TRRAP: variants seen among roughly 807,000 people sequenced by gnomAD.
TRRAP encodes the protein transformation/transcription domain-associated protein.
A neutral mutation model predicts 438.8 loss-of-function variants in TRRAP; 41 were observed. The ratio of observed to expected loss-of-function variants is 0.09; its 90% confidence interval spans 0.07 to 0.12. The LOEUF is 0.12. Ranked by LOEUF, TRRAP falls within the 10% of genes least tolerant of loss-of-function variation. The pLI is 1.00. For missense variants in TRRAP, 3,122 were observed against 5,055.1 expected, an observed-to-expected ratio of 0.62 and a Z score of 11.60; for synonymous variants, 1,994 against 1,962.9, an observed-to-expected ratio of 1.02 and a Z score of -0.42.
Position 98,967,576 on chromosome 7 carries a change from A to C in TRRAP, c.7390A>C (p.Lys2464Gln). ...CTGTGCCCAGCCACTCATCAGGGCA[A>C]AGTTTTTCGAGGTTTTTGACAACTC... ...LRCAQPLIRAKFFEVFDNSMK... is the reference protein window; with the variant it reads ...LRCAQPLIRAQFFEVFDNSMK... The change falls in exon 51 of 73, where the codon AAG (lysine) becomes CAG (glutamine). Residue 2464 changes from lysine (K) to glutamine (Q), a missense_variant. This residue lies in a region of TRRAP where 992 missense variants were observed against 1,281.2 expected (regional missense o/e 0.77). Transcript: ENST00000456197. 6.2e-7 allele frequency: 1 copy of C among 1,614,036 alleles called. No homozygotes were observed. Among genetic ancestry groups the C allele is most frequent in the Non-Finnish European group, 8.5e-7 (1 of 1,180,020 alleles).
rs1267879742 is a variant in TRRAP at position 98,994,194 on chromosome 7, AGCCCCGGG to A, written c.10048-389_10048-382del. On this transcript the variant is annotated intron_variant, in intron 66 of 72. Transcript: ENST00000456197. This position sits in a 1 kb window ranked among gnomAD's most constrained non-coding sequence, Gnocchi z 4.8. ...CACTGCCCAGATGCTTACCTGGTTG[AGCCCCGGG>A]GCCAGCTCCTTACTGCTGTGAAGTC... Among the ~76,000 whole-genome samples, 1 of 152,178 alleles carries A rather than the reference AGCCCCGGG, an allele frequency of 6.6e-6. No homozygotes were observed. Among genetic ancestry groups the A allele is most frequent in the Non-Finnish European group, 1.5e-5 (1 of 68,034 alleles).
chr7:98,881,922 A>G (rs1795457491), intron 2 of TRRAP, 53 bp from the exon 3 acceptor site: 26 of 1,577,546 alleles, frequency 1.6e-5, no homozygotes, highest in Non-Finnish European at 2.1e-5. Flanking sequence ...TTGCATTAAC[A>G]TAATTTCCTT....
In TRRAP at chr7:98,964,704, G is replaced by T. The variant is rs989808531; in HGVS notation, c.6905G>T (p.Arg2302Leu). ...GACAGGCTGATCTCCGTCTTTATGC[G>T]CTCCCTGCAGAAGATGGTCCGGGAG... The part of the protein sequence containing the change: ...YIDRLISVFM[R>L]SLQKMVREHL... The change falls in exon 48 of 73, where the codon CGC becomes CTC. Residue 2302 changes from arginine to leucine, a missense_variant. Arg to Leu is a moderately radical substitution (Grantham distance 102). Transcript: ENST00000456197. The T allele has an allele frequency of 6.2e-7, 1 of 1,613,510 alleles. No homozygotes were observed. The highest frequency in any genetic ancestry group is 8.5e-7 in the Non-Finnish European group (1 of 1,179,874).
intron 64 of TRRAP, among the ~76,000 whole-genome samples, chr7:98,991,198 G>A (rs1793415503): frequency 2.0e-5 from 3 of 152,214 alleles, no homozygotes; most frequent in Admixed American, 2.0e-4. Context: ...CCCGTGAAAA[G>A]ACCCAGGCAT....
At chr7:98,886,652 A>G (rs1233007102) in intron 3 of TRRAP, among the ~76,000 whole-genome samples, 2 of 152,220 alleles carry the variant, frequency 1.3e-5, no homozygotes, top group Admixed American at 6.5e-5. Flanking sequence ...AAATACTAGA[A>G]TGACCATCAA....
At chr7:98,882,552 G>C (rs991753734) in intron 3 of TRRAP, among the ~76,000 whole-genome samples, 4 of 151,712 alleles carry the variant, frequency 2.6e-5, no homozygotes, top group African/African-American at 7.3e-5. Context: ...TAGTAGAGAC[G>C]GGGTTTCACC....
Position 98,988,942 on chromosome 7 carries a change from C to T in TRRAP, c.9567C>T (p.Ser3189=). ...ACGCCTGCCGGCATCAGAACGAGAGCAAATCGAGGAAATACTTAGCCAAGG... is the reference window on the plus strand; with the variant it reads ...ACGCCTGCCGGCATCAGAACGAGAGTAAATCGAGGAAATACTTAGCCAAGG... ...YLHACRHQNE[S]KSRKYLAKVL... Residue 3189 remains serine, a synonymous_variant, in exon 63 of 73, where the codon AGC becomes AGT. Coordinates refer to ENST00000456197, the MANE Select transcript of TRRAP (RefSeq NM_001375524.1). The T allele has an allele frequency of 6.2e-7, 1 of 1,613,886 alleles. No individual in the cohort carries two copies.
intron 57 of TRRAP, 54 bp downstream of exon 57, chr7:98,978,377 A>G: frequency 6.7e-7 from 1 of 1,485,012 alleles, no homozygotes; most frequent in Non-Finnish European, 9.3e-7. Context: ...GGAACCAGGG[A>G]AAAATCTCTG....
In TRRAP at chr7:98,930,899, A is replaced by G. The variant is rs972439830; in HGVS notation, c.3591+69A>G. On this transcript the variant is annotated intron_variant, in intron 25 of 72. Transcript: ENST00000456197. ...ATGGTGGTTTCCTGAAGAATACTATAAGATCCTTCTGCAAATATGCTCTCC... is the reference window on the plus strand; with the variant it reads ...ATGGTGGTTTCCTGAAGAATACTATGAGATCCTTCTGCAAATATGCTCTCC... 53 of 1,581,460 alleles carry G rather than the reference A, an allele frequency of 3.4e-5. No homozygotes were observed. The Admixed American group carries it at 7.3e-4, about 22-fold the overall frequency.
intron 2 of TRRAP, 130 bp downstream of exon 2, chr7:98,881,380 C>T: frequency 5.3e-6 from 4 of 760,372 alleles, no homozygotes; most frequent in Admixed American, 3.4e-5. Context: ...TGGGACTAGC[C>T]TGGCCAACAT....
At chr7:98,926,870 T>C (rs982515860) in intron 22 of TRRAP, among the ~76,000 whole-genome samples, 2 of 150,194 alleles carry the variant, frequency 1.3e-5, no homozygotes, top group Non-Finnish European at 2.9e-5. Context: ...ACAAAAAAAA[T>C]TAGCTGGGCG....
chr7:98,925,210 G>C lies in TRRAP; in HGVS notation c.2922G>C (p.Met974Ile). 3 of 1,614,198 alleles carry C rather than the reference G, an allele frequency of 1.9e-6. No individual in the cohort carries two copies. The highest frequency in any genetic ancestry group is 2.2e-5 in the East Asian group (1 of 44,890). ...WEVIKCFLVA[M>I]MSLEDNKHAL... ...TGATCAAATGCTTCCTGGTGGCCAT[G>C]ATGAGCCTGGAGGACAACAAGCACG... The change falls in exon 22 of 73, where the codon ATG becomes ATC. Residue 974 changes from methionine (M) to isoleucine (I), a missense_variant. Physicochemically the swap from Met to Ile is conservative, Grantham distance 10. Transcript: ENST00000456197.
At chr7:98,896,659 C>T (rs941336629) in intron 7 of TRRAP, among the ~76,000 whole-genome samples, 1 of 152,146 alleles carries the variant, frequency 6.6e-6, no homozygotes, top group Non-Finnish European at 1.5e-5. Flanking sequence ...GCTGGGATTA[C>T]AGGCGTGAGC....
At chr7:98,997,157 T>C (rs1194680582) in intron 67 of TRRAP, among the ~76,000 whole-genome samples, 1 of 151,852 alleles carries the variant, frequency 6.6e-6, no homozygotes, top group East Asian at 1.9e-4. Flanking sequence ...AATACAAAAA[T>C]TAGCCTGTCG....
At chr7:98,921,060 C>A (rs1273366402) in intron 20 of TRRAP, among the ~76,000 whole-genome samples, 2 of 152,220 alleles carry the variant, frequency 1.3e-5, no homozygotes, top group Non-Finnish European at 2.9e-5. Flanking sequence ...TGGTCTCGAA[C>A]TACCGACTTC....
intron 30 of TRRAP, among the ~76,000 whole-genome samples, chr7:98,941,709 G>A (rs1451933552): frequency 6.6e-6 from 1 of 152,148 alleles, no homozygotes; most frequent in Non-Finnish European, 1.5e-5. Flanking sequence ...TTGGTAAAAT[G>A]TTGAGTGCTT....
At chr7:98,911,690 C>CA (rs1276547867) in intron 17 of TRRAP, among the ~76,000 whole-genome samples, 2 of 151,172 alleles carry the variant, frequency 1.3e-5, no homozygotes, top group African/African-American at 4.9e-5. Context: ...TGTTTGAGCC[C>CA]AGGAGGTTGA....
chr7:98,990,588 A>C lies in TRRAP; in HGVS notation c.9725A>C (p.Glu3242Ala). ...CTGCTCACCTGCCTGGTTGGCTCGG[A>C]GGGAAAGCTGCTCTTGAACCTCATT... is the stretch of plus-strand genomic sequence containing the variant. ...PQLLTCLVGS[E>A]GKLLLNLISQ... The change falls in exon 64 of 73, where the codon GAG (glutamate) becomes GCG (alanine). Residue 3242 changes from glutamate (E) to alanine (A), a missense_variant. By Grantham distance (107) the Glu-to-Ala change is moderately radical. Around this residue, in one of 24 missense-constraint regions of TRRAP, gnomAD observed 52 missense variants for 88.3 expected, o/e 0.59. Coordinates refer to ENST00000456197, the MANE Select transcript of TRRAP (RefSeq NM_001375524.1). The C allele has an allele frequency of 6.2e-7, 1 of 1,613,970 alleles. No homozygotes were observed. The highest frequency in any genetic ancestry group is 8.5e-7 in the Non-Finnish European group (1 of 1,179,864).
intron 40 of TRRAP, 23 bp from the exon 41 acceptor site, chr7:98,955,075 T>C: frequency 6.2e-7 from 1 of 1,601,360 alleles, no homozygotes; most frequent in African/African-American, 1.3e-5. Flanking sequence ...TCATCCTCCA[T>C]AAACGTCTCT....
Sources: allele counts gnomAD v4.1 joint callset (sites outside exome capture counted in the v4.1 genomes callset), GRCh38; gene constraint gnomAD v4.1.1; regional missense constraint gnomAD v4.1.1; non-coding constraint Gnocchi (gnomAD v3.1); transcripts MANE v1.5; gene names NCBI Gene and HGNC (gene_info 2026-07-23, HGNC 2026-07-21).